SH3GL2: variants seen among roughly 807,000 people sequenced by gnomAD.
The protein encoded by SH3GL2 is SH3 domain containing GRB2 like 2, endophilin A1, also known as endophilin-A1.
SH3GL2 carries 24 observed loss-of-function variants against 46.0 expected under a neutral mutation model. The observed-to-expected ratio is 0.52, with a 90% confidence interval of 0.38 to 0.73. The LOEUF (loss-of-function observed/expected upper bound fraction) is 0.73. Ranked by LOEUF, SH3GL2 falls within the 30% of genes least tolerant of loss-of-function variation. SH3GL2 has a pLI of 0.00. For missense variants in SH3GL2, 413 were observed against 424.2 expected (o/e 0.97, Z 0.23); for synonymous variants, 196 against 147.1 (o/e 1.33, Z -2.40).
intron 1 of SH3GL2, among the ~76,000 whole-genome samples, chr9:17,664,939 T>C (rs1290518595): frequency 6.6e-6 from 1 of 152,144 alleles, no homozygotes; most frequent in East Asian, 1.9e-4. Flanking sequence ...CTTTGATATT[T>C]TAAAGAAATT....
At chr9:17,728,985 A>G (rs1310362586) in intron 1 of SH3GL2, among the ~76,000 whole-genome samples, 1 of 152,176 alleles carries the variant, frequency 6.6e-6, no homozygotes, top group Admixed American at 6.6e-5. Flanking sequence ...CTTTTGGTAT[A>G]TACTCCGTAA....
At chr9:17,639,085 T>C (rs1319029477) in intron 1 of SH3GL2, among the ~76,000 whole-genome samples, 1 of 152,224 alleles carries the variant, frequency 6.6e-6, no homozygotes, top group Non-Finnish European at 1.5e-5. Flanking sequence ...GTTGAATGAA[T>C]GTATGAATTC....
intron 1 of SH3GL2, among the ~76,000 whole-genome samples, chr9:17,733,935 C>G (rs538296226): frequency 4.3e-4 from 66 of 152,106 alleles, no homozygotes; most frequent in African/African-American, 1.6e-3. Flanking sequence ...AACACATGGC[C>G]TCTCACATTC....
chr9:17,779,840 A>G (rs547302287), intron 3 of SH3GL2, among the ~76,000 whole-genome samples: 2 of 152,240 alleles, frequency 1.3e-5, no homozygotes, highest in Admixed American at 1.3e-4. Flanking sequence ...CCACATGGAT[A>G]TTGTTAGACT....
chr9:17,792,643 C>T (rs1356829148), intron 7 of SH3GL2, among the ~76,000 whole-genome samples: 1 of 152,104 alleles, frequency 6.6e-6, no homozygotes, highest in East Asian at 1.9e-4. Flanking sequence ...TCCCTCTGTC[C>T]AAACCTTCTC....
intron 1 of SH3GL2, among the ~76,000 whole-genome samples, chr9:17,686,886 A>G (rs992964145): frequency 1.3e-5 from 2 of 150,992 alleles, no homozygotes; most frequent in African/African-American, 2.4e-5. Flanking sequence ...ACATGTATAC[A>G]TATGTAACTA....
intron 3 of SH3GL2, among the ~76,000 whole-genome samples, chr9:17,768,982 C>A (rs73424514): frequency 6.6e-6 from 1 of 152,186 alleles, no homozygotes; most frequent in Non-Finnish European, 1.5e-5. Flanking sequence ...TCTGAGCTAG[C>A]CTTCCTCAAA....
intron 1 of SH3GL2, among the ~76,000 whole-genome samples, chr9:17,640,390 A>T (rs558477599): frequency 2.0e-5 from 3 of 152,222 alleles, no homozygotes; most frequent in African/African-American, 7.2e-5. Flanking sequence ...TCCAATTTGC[A>T]GACCTTTTAT....
At chr9:17,789,113 C>T (rs1484628522) in intron 5 of SH3GL2, among the ~76,000 whole-genome samples, 1 of 152,188 alleles carries the variant, frequency 6.6e-6, no homozygotes, top group Non-Finnish European at 1.5e-5. Context: ...AGGCTTAGTC[C>T]AGCTTGGCTT....
rs1430997681 is a variant in SH3GL2, at chr9:17,613,550, C to T, written c.45+34263C>T. Among the ~76,000 whole-genome samples the T allele has an allele frequency of 2.0e-5, 3 of 152,118 alleles. No homozygotes were observed. The East Asian group carries it at 5.8e-4, about 29-fold the overall frequency. ...CCCTAGAGGAAGGTAACATTCTTCCCTTGGTGTCAGTGCTAAGCTCTGAGA... is the reference window on the plus strand; with the variant it reads ...CCCTAGAGGAAGGTAACATTCTTCCTTTGGTGTCAGTGCTAAGCTCTGAGA... On this transcript the variant is annotated intron_variant, in intron 1 of 8. Transcript: ENST00000380607.
chr9:17,744,548 G>T (rs1057426366), intron 1 of SH3GL2, among the ~76,000 whole-genome samples: 2 of 151,844 alleles, frequency 1.3e-5, no homozygotes, highest in Non-Finnish European at 2.9e-5. Flanking sequence ...TTTTATTTTT[G>T]TAGAGACAGA....
At chr9:17,734,692 C>A (rs1024037430) in intron 1 of SH3GL2, among the ~76,000 whole-genome samples, 6 of 151,858 alleles carry the variant, frequency 4.0e-5, no homozygotes, top group African/African-American at 1.2e-4. Flanking sequence ...TGAAACAAGC[C>A]AGAGACAAAA....
At chr9:17,622,996 C>CCTTTCG (rs1563786450) in intron 1 of SH3GL2, among the ~76,000 whole-genome samples, 2 of 81,596 alleles carry the variant, frequency 2.5e-5, no homozygotes, top group Non-Finnish European at 5.3e-5. Flanking sequence ...GTTTCCTTTC[C>CCTTTCG]TTTCCTTTCC....
intron 1 of SH3GL2, among the ~76,000 whole-genome samples, chr9:17,735,510 ATGAATTTT>A (rs537628302): frequency 1.7e-4 from 25 of 151,132 alleles, no homozygotes; most frequent in African/African-American, 5.8e-4. Context: ...CCACTTATAC[ATGAATTTT>A]TTTTTTCAAC....
At chr9:17,706,660 C>T (rs1821480095) in intron 1 of SH3GL2, among the ~76,000 whole-genome samples, 1 of 151,936 alleles carries the variant, frequency 6.6e-6, no homozygotes, top group South Asian at 2.1e-4. Context: ...TGTAAATGGG[C>T]ATTTTGGTTT....
At chr9:17,698,701 C>T (rs1027942833) in intron 1 of SH3GL2, among the ~76,000 whole-genome samples, 1 of 152,124 alleles carries the variant, frequency 6.6e-6, no homozygotes, top group African/African-American at 2.4e-5. Context: ...TTTGTTTCTG[C>T]TTATGCAGAA....
intron 1 of SH3GL2, among the ~76,000 whole-genome samples, chr9:17,676,751 T>G (rs1277890988): frequency 6.6e-6 from 1 of 152,230 alleles, no homozygotes; most frequent in Non-Finnish European, 1.5e-5. Flanking sequence ...AAAACAAGAT[T>G]GCTGGCACCA....
At chr9:17,640,877 G>A (rs1306684693) in intron 1 of SH3GL2, among the ~76,000 whole-genome samples, 3 of 152,012 alleles carry the variant, frequency 2.0e-5, no homozygotes, top group Non-Finnish European at 2.9e-5. Context: ...GCCTAATGTA[G>A]CATAATAGTT....
At chr9:17,681,102 AC>A (rs1820755344) in intron 1 of SH3GL2, among the ~76,000 whole-genome samples, 1 of 152,098 alleles carries the variant, frequency 6.6e-6, no homozygotes, top group Non-Finnish European at 1.5e-5. Flanking sequence ...TCTTTTAACT[AC>A]CCATGCTTCT....
Sources: allele counts gnomAD v4.1 joint callset (sites outside exome capture counted in the v4.1 genomes callset), GRCh38; gene constraint gnomAD v4.1.1; transcripts MANE v1.5; gene names NCBI Gene and HGNC (gene_info 2026-07-23, HGNC 2026-07-21).